The following LAMB3 variants were observed in gnomAD, a reference collection of about 807,000 sequenced individuals.
LAMB3 encodes the protein laminin subunit beta-3.
LAMB3 carries 104 observed loss-of-function variants against 140.3 expected under a neutral mutation model. That is an observed-to-expected ratio of 0.74 (90% CI 0.63 to 0.87). The LOEUF is 0.87. Ranked by LOEUF, LAMB3 falls within the 40% of genes least tolerant of loss-of-function variation. LAMB3 has a pLI of 0.00. For synonymous variants in LAMB3, 592 were observed against 602.9 expected (o/e 0.98, Z 0.26); for missense variants, 1,531 against 1,575.2 (o/e 0.97, Z 0.47).
rs1177264773 is a variant in LAMB3, at chr1:209,618,944, C to T, written c.2702-285G>A. 6.1e-5 allele frequency: 32 copies of T among 528,240 alleles called. No individual in the cohort carries two copies. The East Asian group carries it at 6.8e-4, about 11-fold the overall frequency. 32.7% of individuals were successfully genotyped at this position (528,240 alleles called of 1,614,324 possible). ...AAGTGTCTGGTGCCACAGGAAGCTG[C>T]GGGCTGGGGAGAAGGAGGTGGTGCC... On this transcript the variant is annotated intron_variant, in intron 18 of 22. Coordinates refer to ENST00000356082, the MANE Select transcript of LAMB3 (RefSeq NM_000228.3).
At chr1:209,627,289 G>A (rs2102423657) in intron 12 of LAMB3, 94 bp downstream of exon 12, 5 of 1,026,294 alleles carry the variant, frequency 4.9e-6, no homozygotes, top group Non-Finnish European at 7.3e-6. Flanking sequence ...ACAGGGGAGA[G>A]GCCTAGAAGG....
chr1:209,618,460 C>T lies in LAMB3; in HGVS notation c.2901G>A (p.Glu967=). Residue 967 remains glutamate (E), a synonymous_variant, in exon 19 of 23, where the codon GAG becomes GAA. Coordinates refer to ENST00000356082, the MANE Select transcript of LAMB3 (RefSeq NM_000228.3). ...ARARRLQAEA[E]EARSRAHAVE... ...AGGGCCCAAGGCCATACCTGGCTTC[C>T]TCAGCCTCAGCCTGCAACCGGCGGG... 4.3e-6 allele frequency: 7 copies of T among 1,613,854 alleles called. No homozygotes were observed. Among genetic ancestry groups the T allele is most frequent in the East Asian group, 2.2e-5 (1 of 44,876 alleles).
intron 4 of LAMB3, among the ~76,000 whole-genome samples, 188 bp from the exon 5 acceptor site, chr1:209,638,169 T>G (rs563130779): frequency 6.6e-6 from 1 of 152,304 alleles, no homozygotes; most frequent in East Asian, 1.9e-4. Context: ...ATCCTATCTG[T>G]TTTTGGCTAA....
Position 209,629,480 on chromosome 1 carries a change from A to T in LAMB3, c.1132+257T>A, listed in dbSNP as rs1347270984. On this transcript the variant is annotated intron_variant, in intron 10 of 22. Transcript: ENST00000356082. ...TCCCTGATGGCACAAACTGTATCTTATGTTTACTTTTTTCTTCCCTATGCC... is the reference window on the plus strand; with the variant it reads ...TCCCTGATGGCACAAACTGTATCTTTTGTTTACTTTTTTCTTCCCTATGCC... Among the ~76,000 whole-genome samples, 4 of 152,066 alleles carry T rather than the reference A, an allele frequency of 2.6e-5. No homozygotes were observed. The South Asian group carries it at 8.3e-4, about 31-fold the overall frequency.
intron 1 of LAMB3, 59 bp from the exon 2 acceptor site, chr1:209,651,040 C>G: frequency 8.9e-7 from 1 of 1,119,984 alleles, no homozygotes; most frequent in Non-Finnish European, 1.4e-6. Context: ...CACACTAGCC[C>G]TTTTTCTTTT....
chr1:209,618,116 A>G (rs1180764309), intron 19 of LAMB3, 68 bp from the exon 20 acceptor site: 2 of 1,587,058 alleles, frequency 1.3e-6, no homozygotes, highest in African/African-American at 2.7e-5. Context: ...GTGTGGTTCG[A>G]CTCACACACC....
intron 6 of LAMB3, among the ~76,000 whole-genome samples, chr1:209,634,012 G>C (rs760088510): frequency 1.3e-5 from 2 of 152,184 alleles, no homozygotes; most frequent in African/African-American, 2.4e-5. Context: ...CTAAGACTGG[G>C]TTAGATGGAT....
chr1:209,642,661 TAGAG>T (rs2076479990), intron 3 of LAMB3, among the ~76,000 whole-genome samples: 1 of 152,140 alleles, frequency 6.6e-6, no homozygotes, highest in Non-Finnish European at 1.5e-5. Flanking sequence ...GTATTTTTAG[TAGAG>T]ACGGGATTTC....
chr1:209,641,101 TA>T (rs57763866), intron 3 of LAMB3, among the ~76,000 whole-genome samples: 45 of 130,880 alleles, frequency 3.4e-4, no homozygotes, highest in East Asian at 6.7e-4. Context: ...AAAAAAAATT[TA>T]AAAAAAAAAA....
chr1:209,622,768 C>A, intron 17 of LAMB3, 88 bp from the exon 18 acceptor site: 1 of 1,548,158 alleles, frequency 6.5e-7, no homozygotes. Context: ...TCCTCTATGC[C>A]AAGACCTACC....
chr1:209,638,008 C>T (rs1666949032), intron 4 of LAMB3, 27 bp from the exon 5 acceptor site: 2 of 1,584,242 alleles, frequency 1.3e-6, no homozygotes, highest in South Asian at 2.2e-5. Context: ...TAGAAACTGT[C>T]ATCCAGAGAC....
At chr1:209,620,133 T>A (rs557576519) in intron 18 of LAMB3, among the ~76,000 whole-genome samples, 1 of 152,338 alleles carries the variant, frequency 6.6e-6, no homozygotes, top group Non-Finnish European at 1.5e-5. Context: ...TCAATCGGTA[T>A]GACATTCAGT....
At chr1:209,650,599 G>A in intron 2 of LAMB3, among the ~76,000 whole-genome samples, 1 of 152,206 alleles carries the variant, frequency 6.6e-6, no homozygotes, top group East Asian at 1.9e-4. Context: ...TGGAAAACAG[G>A]AACTTAAGCC....
intron 5 of LAMB3, among the ~76,000 whole-genome samples, chr1:209,636,751 A>G (rs146290400): frequency 6.6e-6 from 1 of 152,194 alleles, no homozygotes; most frequent in East Asian, 1.9e-4. Context: ...CCTGGCCATT[A>G]CTGGTCTATG....
At position 209,617,403 on chromosome 1, in the gene LAMB3, T is replaced by C. The variant is rs776994365; in HGVS notation, c.3228+7A>G. On this transcript the variant is annotated splice_region_variant and intron_variant, in intron 21 of 22. Coordinates refer to ENST00000356082, the MANE Select transcript of LAMB3 (RefSeq NM_000228.3). Reference sequence around the variant, plus strand: ...ACATCATTGAGCTAACTCCGCCTTCTCTGTACCTCTTGGGCACTCAATGCC... The same window carrying C: ...ACATCATTGAGCTAACTCCGCCTTCCCTGTACCTCTTGGGCACTCAATGCC... The C allele has an allele frequency of 2.4e-5, 39 of 1,612,138 alleles. No homozygotes were observed. The highest frequency in any genetic ancestry group is 3.2e-5 in the Non-Finnish European group (38 of 1,180,008).
chr1:209,627,613 G>A (rs773094691), intron 11 of LAMB3, 34 bp from the exon 12 acceptor site: 12 of 1,605,470 alleles, frequency 7.5e-6, no homozygotes, highest in East Asian at 4.5e-5. Context: ...TCAGGCAGAC[G>A]CTCCATGAAA....
At chr1:209,643,777 C>T (rs543374351) in intron 3 of LAMB3, among the ~76,000 whole-genome samples, 4 of 150,400 alleles carry the variant, frequency 2.7e-5, no homozygotes, top group South Asian at 2.1e-4. Flanking sequence ...AAGCTACGAT[C>T]GGGTCATGGC....
chr1:209,640,561 TAATAA>T (rs1322791278), intron 3 of LAMB3, among the ~76,000 whole-genome samples: 34 of 148,870 alleles, frequency 2.3e-4, no homozygotes, highest in African/African-American at 6.7e-4. Flanking sequence ...AAAAAAAAAG[TAATAA>T]AATAAAATAA....
Position 209,615,389 on chromosome 1 carries a change from A to C in LAMB3, c.3401T>G (p.Leu1134Arg), listed in dbSNP as rs987045561. The C allele has an allele frequency of 3.7e-5, 59 of 1,606,598 alleles. No individual in the cohort carries two copies. Among genetic ancestry groups the C allele is most frequent in the Non-Finnish European group, 4.9e-5 (58 of 1,175,238 alleles). ...CAGCATGATGGCCTGGCTGCCCCGC[A>C]GCAGCTCCAACTCCATGTCTGAGGC... ...DRMKDMELEL[L>R]RGSQAIMLRS... The change falls in exon 23 of 23, where the codon CTG (leucine) becomes CGG (arginine). Residue 1134 changes from leucine (L) to arginine (R), a missense_variant. Physicochemically the swap from Leu to Arg is moderately radical, Grantham distance 102. Coordinates refer to ENST00000356082, the MANE Select transcript of LAMB3 (RefSeq NM_000228.3).
Sources: allele counts gnomAD v4.1 joint callset (sites outside exome capture counted in the v4.1 genomes callset), GRCh38; gene constraint gnomAD v4.1.1; transcripts MANE v1.5; gene names NCBI Gene and HGNC (gene_info 2026-07-23, HGNC 2026-07-21).